Variants in RABGAP1 observed in about 807,000 individuals in gnomAD.
RABGAP1 encodes the protein rab GTPase-activating protein 1.
RABGAP1 carries 23 observed loss-of-function variants against 137.6 expected under a neutral mutation model. The observed-to-expected ratio is 0.17, with a 90% confidence interval of 0.12 to 0.24. The LOEUF (loss-of-function observed/expected upper bound fraction) is 0.24, where lower values mean the gene tolerates loss of function less well. Ranked by LOEUF, RABGAP1 falls within the 10% of genes least tolerant of loss-of-function variation. The probability of loss-of-function intolerance (pLI) is 1.00; values close to 1 mark genes in which losing one functional copy is unlikely to be tolerated. For synonymous variants in RABGAP1, 451 were observed against 450.7 expected (o/e 1.00, Z -0.01); for missense variants, 906 against 1,275.8 (o/e 0.71, Z 4.42).
At chr9:123,016,795 C>T (rs1311429706) in intron 12 of RABGAP1, among the ~76,000 whole-genome samples, 3 of 152,140 alleles carry the variant, frequency 2.0e-5, no homozygotes, top group Non-Finnish European at 4.4e-5. Flanking sequence ...AAGTATTTCA[C>T]TGCATTGTTA....
intron 6 of RABGAP1, among the ~76,000 whole-genome samples, chr9:122,991,581 G>A (rs1836722880): frequency 6.6e-6 from 1 of 150,880 alleles, no homozygotes. Flanking sequence ...TTTCTAATTA[G>A]ATAGATTTCT....
At chr9:123,093,042 T>C (rs1333643765) in intron 21 of RABGAP1, among the ~76,000 whole-genome samples, 1 of 152,188 alleles carries the variant, frequency 6.6e-6, no homozygotes, top group Non-Finnish European at 1.5e-5. Flanking sequence ...GAAAATCAGC[T>C]AGATTCTTCC....
At position 122,990,120 on chromosome 9, in the gene RABGAP1, C is replaced by G; in HGVS notation, c.830C>G (p.Ser277Ter). The G allele has an allele frequency of 6.2e-7, 1 of 1,610,988 alleles. No homozygotes were observed. The highest frequency in any genetic ancestry group is 8.5e-7 in the Non-Finnish European group (1 of 1,177,138). The change falls in exon 6 of 26, where the codon TCA (serine) becomes TGA (stop). Residue 277 changes from serine to a stop codon, truncating the protein, a stop_gained. Coordinates refer to ENST00000373647, the MANE Select transcript of RABGAP1 (RefSeq NM_012197.4). LOFTEE classifies it high-confidence loss of function. ...CGTTCTGCCAAGCAGACCCCACTTT[C>G]AGCCACTGCTGCACCCCAGACTCCT... is the stretch of plus-strand genomic sequence containing the variant. ...FRRSAKQTPL[S>*]ATAAPQTPDS... is the part of the protein sequence containing the mutation.
intron 12 of RABGAP1, among the ~76,000 whole-genome samples, chr9:123,019,118 A>G: frequency 6.6e-6 from 1 of 152,208 alleles, no homozygotes; most frequent in East Asian, 1.9e-4. Context: ...CAACATTTCA[A>G]GGCTAGTTTA....
chr9:123,001,861 A>G (rs916659796), intron 10 of RABGAP1, among the ~76,000 whole-genome samples: 1 of 152,216 alleles, frequency 6.6e-6, no homozygotes, highest in African/African-American at 2.4e-5. Flanking sequence ...AGGATTATAC[A>G]ACCTCTCTGG....
intron 13 of RABGAP1, among the ~76,000 whole-genome samples, chr9:123,044,626 CGTGT>C (rs68089109): frequency 0.023 from 3,447 of 148,380 alleles, 39 homozygotes; most frequent in Non-Finnish European, 0.029. Context: ...AACACACGTA[CGTGT>C]GTGTGTGTGT....
intron 13 of RABGAP1, among the ~76,000 whole-genome samples, chr9:123,033,209 C>T (rs893239396): frequency 3.9e-5 from 6 of 152,262 alleles, no homozygotes; most frequent in South Asian, 4.1e-4. Flanking sequence ...AGTTGCCATA[C>T]GCCATACACT....
chr9:123,100,383 ATGTGTGTGTGTGTGTGTGTGTGTG>A (rs56811028), intron 24 of RABGAP1, among the ~76,000 whole-genome samples: 13 of 136,572 alleles, frequency 9.5e-5, no homozygotes, highest in South Asian at 5.0e-4. Context: ...GTTTAACCAG[ATGTGTGTGTGTGTGTGTGTGTGTG>A]TGTGTGTGTG....
chr9:122,954,745 C>G (rs1290526145), intron 1 of RABGAP1, among the ~76,000 whole-genome samples: 1 of 152,140 alleles, frequency 6.6e-6, no homozygotes, highest in Non-Finnish European at 1.5e-5. Context: ...TGTTTTGGGA[C>G]AAGGCCCAAA....
intron 18 of RABGAP1, 32 bp from the exon 19 acceptor site, chr9:123,076,602 T>G: frequency 6.4e-7 from 1 of 1,570,816 alleles, no homozygotes. Context: ...TAGCAACACA[T>G]TTTTTCTATA....
At chr9:122,995,828 C>G (rs1185957393) in intron 6 of RABGAP1, among the ~76,000 whole-genome samples, 1 of 152,122 alleles carries the variant, frequency 6.6e-6, no homozygotes, top group Non-Finnish European at 1.5e-5. Flanking sequence ...CTCAGTCTCC[C>G]AAAGTTCTGG....
intron 14 of RABGAP1, 143 bp downstream of exon 14, chr9:123,065,604 G>A (rs2034143840): frequency 5.9e-6 from 4 of 678,800 alleles, no homozygotes; most frequent in African/African-American, 1.8e-5. Context: ...AGTCAAAGGT[G>A]AGAACACAAT....
intron 13 of RABGAP1, among the ~76,000 whole-genome samples, chr9:123,031,601 A>G (rs1260820554): frequency 6.6e-6 from 1 of 152,236 alleles, no homozygotes; most frequent in Non-Finnish European, 1.5e-5. Context: ...GAGGAAATGC[A>G]TTTGAGAACT....
At chr9:122,935,243 C>T in the RABGAP1 span, among the ~76,000 whole-genome samples, 4 of 152,218 alleles carry the variant, frequency 2.6e-5, no homozygotes, top group African/African-American at 9.6e-5. Flanking sequence ...TACCAATTAA[C>T]TTCAATATCA....
At chr9:123,083,422 A>G (rs545933185) in intron 19 of RABGAP1, among the ~76,000 whole-genome samples, 41 of 152,238 alleles carry the variant, frequency 2.7e-4, no homozygotes, top group African/African-American at 7.2e-4. Context: ...TTCTGAATGG[A>G]TGCTCTCTCT....
At chr9:123,044,742 A>C (rs1447496350) in intron 13 of RABGAP1, among the ~76,000 whole-genome samples, 1 of 152,098 alleles carries the variant, frequency 6.6e-6, no homozygotes, top group Non-Finnish European at 1.5e-5. Flanking sequence ...GCAAAATGCC[A>C]TGTAGTGTTC....
intron 13 of RABGAP1, chr9:123,034,371 A>T: frequency 1.7e-6 from 1 of 576,222 alleles, no homozygotes; most frequent in Non-Finnish European, 3.0e-6. Flanking sequence ...GGCTCTCCTT[A>T]TTCCAGGAAG....
intron 1 of RABGAP1, among the ~76,000 whole-genome samples, chr9:122,949,479 A>C (rs1028276564): frequency 6.6e-6 from 1 of 151,998 alleles, no homozygotes; most frequent in Non-Finnish European, 1.5e-5. Context: ...ATGCCATTGC[A>C]CTCCAACCTG....
At chr9:123,034,644 T>A (rs774164124) in intron 13 of RABGAP1, 2 of 1,613,680 alleles carry the variant, frequency 1.2e-6, no homozygotes, top group Non-Finnish European at 1.7e-6. Flanking sequence ...AAACTGTCAA[T>A]TTTTGCCTTT....
Sources: gnomAD v4.1 joint callset for allele counts (sites outside exome capture counted in the v4.1 genomes callset) on GRCh38, gnomAD v4.1.1 for gene constraint, MANE v1.5 for transcripts, NCBI Gene and HGNC (gene_info 2026-07-23, HGNC 2026-07-21) for gene names.